The following DDX19B variants were observed in gnomAD, a reference collection of about 807,000 sequenced individuals.
DDX19B encodes the protein ATP-dependent RNA helicase DDX19B.
DDX19B carries 27 observed loss-of-function variants against 58.1 expected under a neutral mutation model. The observed-to-expected ratio is 0.46, with a 90% CI of 0.34 to 0.64. The LOEUF is 0.64. Ranked by LOEUF, DDX19B falls within the 30% of genes least tolerant of loss-of-function variation. The pLI is 0.01. For missense variants in DDX19B, 399 were observed against 596.5 expected, an observed-to-expected ratio of 0.67 and a Z score of 3.45; for synonymous variants, 187 against 214.4, an observed-to-expected ratio of 0.87 and a Z score of 1.12.
chr16:70,289,799 T>C, upstream of DDX19B: 1 of 389,980 alleles, frequency 2.6e-6, no homozygotes. Flanking sequence ...CATTTTGGTT[T>C]CCATAGGCAA....
At chr16:70,295,613 A>G (rs1961189615), upstream of DDX19B, among the ~76,000 whole-genome samples, 3 of 152,120 alleles carry the variant, frequency 2.0e-5, no homozygotes, top group African/African-American at 7.2e-5. Context: ...GAGATTATCA[A>G]TTGGACCTTA....
upstream of DDX19B, among the ~76,000 whole-genome samples, chr16:70,295,362 C>T (rs1481926826): frequency 6.6e-6 from 1 of 152,104 alleles, no homozygotes; most frequent in African/African-American, 2.4e-5. Context: ...CAGCCTTGAA[C>T]TCCTGGGATC....
intron 6 of DDX19B, among the ~76,000 whole-genome samples, 159 bp from the exon 7 acceptor site, chr16:70,325,415 C>G (rs549447766): frequency 6.6e-6 from 1 of 152,296 alleles, no homozygotes; most frequent in Non-Finnish European, 1.5e-5. Context: ...AGAATTCTAG[C>G]TTATGACTCT....
intron 9 of DDX19B, 69 bp downstream of exon 9, chr16:70,330,137 ACTGGATGCCC>A (rs1363992610): frequency 6.4e-7 from 1 of 1,572,874 alleles, no homozygotes; most frequent in Non-Finnish European, 8.7e-7. Flanking sequence ...GCTCAGGAGG[ACTGGATGCCC>A]CTGGGTGCCA....
At chr16:70,311,739 T>C (rs1962104780) in intron 1 of DDX19B, among the ~76,000 whole-genome samples, 1 of 152,096 alleles carries the variant, frequency 6.6e-6, no homozygotes, top group Admixed American at 6.6e-5. Flanking sequence ...CAGCAAAAGG[T>C]GACTTGAATG....
At chr16:70,321,720 T>C (rs1962829351) in intron 5 of DDX19B, among the ~76,000 whole-genome samples, 1 of 152,090 alleles carries the variant, frequency 6.6e-6, no homozygotes, top group Non-Finnish European at 1.5e-5. Flanking sequence ...TTTTATGACA[T>C]ATATTTTTTA....
chr16:70,294,853 G>C, upstream of DDX19B: 1 of 1,521,526 alleles, frequency 6.6e-7, no homozygotes. Context: ...GCGATGGCTG[G>C]GGCTGCCGGG....
At chr16:70,300,210 C>CTT (rs112236345) in intron 1 of DDX19B, among the ~76,000 whole-genome samples, 1 of 145,696 alleles carries the variant, frequency 6.9e-6, no homozygotes, top group East Asian at 2.0e-4. Context: ...GAGGCAACTC[C>CTT]TTTTTTTTTT....
intron 7 of DDX19B, among the ~76,000 whole-genome samples, chr16:70,328,598 G>T (rs527913697): frequency 6.6e-6 from 1 of 151,812 alleles, no homozygotes; most frequent in South Asian, 2.1e-4. Flanking sequence ...CCTGACCTCA[G>T]GTGATCCGCC....
chr16:70,325,758 C>A (rs1963111661), intron 7 of DDX19B, 70 bp downstream of exon 7: 10 of 1,139,754 alleles, frequency 8.8e-6, no homozygotes, highest in Non-Finnish European at 1.2e-5. Context: ...CAAAACCCAC[C>A]CAATAGTTGA....
upstream of DDX19B, among the ~76,000 whole-genome samples, chr16:70,291,111 A>G (rs917763861): frequency 6.6e-6 from 1 of 152,260 alleles, no homozygotes; most frequent in African/African-American, 2.4e-5. Flanking sequence ...GCTCACAAAT[A>G]GTAATCATCA....
chr16:70,325,345 T>C (rs563807930), intron 6 of DDX19B, among the ~76,000 whole-genome samples: 1 of 152,324 alleles, frequency 6.6e-6, no homozygotes, highest in South Asian at 2.1e-4. Context: ...TGGGTTTTTG[T>C]ATTGCAGTGG....
chr16:70,319,576 C>CCTTTTTTTT (rs1555547570), intron 5 of DDX19B: 22 of 145,748 alleles, frequency 1.5e-4, no homozygotes, highest in Admixed American at 4.1e-4. Context: ...TTCTGAATCT[C>CCTTTTTTTT]TTTTTTTTTT....
chr16:70,290,091 A>AAT (rs770590899), upstream of DDX19B: 73 of 279,858 alleles, frequency 2.6e-4, no homozygotes, highest in East Asian at 8.4e-4. Context: ...GAGGAGGGTG[A>AAT]ATATATATAT....
intron 5 of DDX19B, among the ~76,000 whole-genome samples, chr16:70,322,877 G>A (rs1962920846): frequency 1.5e-5 from 2 of 133,402 alleles, no homozygotes; most frequent in African/African-American, 5.6e-5. Context: ...GGTGACAACA[G>A]TGAAACTCCG....
chr16:70,313,010 T>G (rs1217775940), intron 2 of DDX19B, among the ~76,000 whole-genome samples: 2 of 150,354 alleles, frequency 1.3e-5, no homozygotes, highest in African/African-American at 4.9e-5. Context: ...GCCCAACTAA[T>G]TTTTATTTTT....
intron 6 of DDX19B, 115 bp from the exon 7 acceptor site, chr16:70,325,459 T>A: frequency 1.4e-6 from 1 of 699,972 alleles, no homozygotes. Flanking sequence ...TACATTTTAA[T>A]GTACATATTC....
At chr16:70,315,806 C>A (rs1962367531) in intron 3 of DDX19B, 163 bp from the exon 4 acceptor site, 2 of 1,030,280 alleles carry the variant, frequency 1.9e-6, no homozygotes, top group Non-Finnish European at 2.7e-6. Context: ...TAACTTTTTT[C>A]TTTAATAAAA....
intron 7 of DDX19B, among the ~76,000 whole-genome samples, chr16:70,328,222 A>G (rs370313371): frequency 7.9e-5 from 12 of 152,102 alleles, no homozygotes; most frequent in African/African-American, 2.9e-4. Context: ...ACCTTATGAA[A>G]ATCAAGTCTG....
Sources: gnomAD v4.1 joint callset for allele counts (sites outside exome capture counted in the v4.1 genomes callset) on GRCh38, gnomAD v4.1.1 for gene constraint, MANE v1.5 for transcripts, NCBI Gene and HGNC (gene_info 2026-07-23, HGNC 2026-07-21) for gene names.